The following ANKIB1 variants were observed in gnomAD, a reference collection of about 807,000 sequenced individuals.
ANKIB1 encodes the protein ankyrin repeat and IBR domain containing 1.
ANKIB1 carries 43 observed loss-of-function variants against 122.1 expected under a neutral mutation model. The observed-to-expected ratio is 0.35, with a 90% CI of 0.28 to 0.45. The LOEUF (loss-of-function observed/expected upper bound fraction) is 0.45. ANKIB1 is among the 20% of genes least tolerant of loss of function. The pLI, the probability that ANKIB1 is intolerant of heterozygous loss-of-function variation, is 1.00. For missense variants in ANKIB1, 992 were observed against 1,329.5 expected (o/e 0.75, Z 3.95); for synonymous variants, 390 against 442.0 (o/e 0.88, Z 1.48).
At chr7:92,255,124 C>A (rs1053357628) in intron 1 of ANKIB1, among the ~76,000 whole-genome samples, 11 of 152,214 alleles carry the variant, frequency 7.2e-5, no homozygotes, top group African/African-American at 2.7e-4. Context: ...TCTATTAAAT[C>A]TCTTTTTCTT....
At chr7:92,380,111 G>A (rs998256137) in intron 11 of ANKIB1, among the ~76,000 whole-genome samples, 1 of 152,208 alleles carries the variant, frequency 6.6e-6, no homozygotes, top group African/African-American at 2.4e-5. Context: ...ACCTGGCTCA[G>A]CAGGTCCCAC....
intron 7 of ANKIB1, among the ~76,000 whole-genome samples, chr7:92,347,645 A>G (rs973461207): frequency 6.6e-6 from 1 of 152,126 alleles, no homozygotes; most frequent in Non-Finnish European, 1.5e-5. Flanking sequence ...GATTAGATAG[A>G]AATTATTATT....
At chr7:92,354,494 AT>A (rs1186070635) in intron 9 of ANKIB1, among the ~76,000 whole-genome samples, 1 of 152,146 alleles carries the variant, frequency 6.6e-6, no homozygotes, top group Admixed American at 6.5e-5. Context: ...CAAAATCATC[AT>A]TTTTTGGACA....
At chr7:92,335,073 C>A (rs1048357331) in intron 5 of ANKIB1, among the ~76,000 whole-genome samples, 1 of 151,504 alleles carries the variant, frequency 6.6e-6, no homozygotes, top group Non-Finnish European at 1.5e-5. Flanking sequence ...TCATTCATAT[C>A]TTTTTTACTT....
intron 10 of ANKIB1, among the ~76,000 whole-genome samples, chr7:92,365,506 A>G (rs762865026): frequency 2.6e-5 from 4 of 152,234 alleles, no homozygotes; most frequent in African/African-American, 9.6e-5. Flanking sequence ...CAGGAGTCCA[A>G]ATCAAGCATT....
chr7:92,259,277 C>T (rs979712774), intron 1 of ANKIB1, among the ~76,000 whole-genome samples: 19 of 152,166 alleles, frequency 1.2e-4, no homozygotes, highest in African/African-American at 4.6e-4. Context: ...TTAAATATAG[C>T]ACATGCCATA....
At chr7:92,318,863 G>A (rs1178554208) in intron 3 of ANKIB1, among the ~76,000 whole-genome samples, 1 of 152,150 alleles carries the variant, frequency 6.6e-6, no homozygotes, top group Admixed American at 6.5e-5. Context: ...TTTCATTTCA[G>A]TGTTTCACTG....
In ANKIB1 at chr7:92,400,222, G is replaced by A. The variant is rs1354060840; in HGVS notation, c.*1273G>A. ...AATGCTGACATGTGTTTGTTCTACT[G>A]CGCAATACTCATTTGCTGTGTGATT... On this transcript the variant is annotated 3_prime_UTR_variant, in exon 20 of 20. Transcript: ENST00000265742. 6.6e-6 allele frequency: 1 copy of A among 152,060 alleles called. No homozygotes were observed. Among genetic ancestry groups the A allele is most frequent in the Non-Finnish European group, 1.5e-5 (1 of 68,022 alleles). 9.4% of individuals were successfully genotyped at this position (152,060 alleles called of 1,614,324 possible). A position where few individuals can be genotyped will look rare whatever the true frequency, so the allele number is the denominator to read the frequency against.
At chr7:92,324,650 C>T (rs1802986453) in intron 4 of ANKIB1, among the ~76,000 whole-genome samples, 2 of 152,142 alleles carry the variant, frequency 1.3e-5, no homozygotes, top group South Asian at 4.1e-4. Context: ...ACATGGCCTG[C>T]TGTGTGATTA....
chr7:92,398,256 A>C lies in ANKIB1; in HGVS notation c.2577A>C (p.Ala859=). The change falls in exon 20 of 20, where the codon GCA becomes GCC. Residue 859 remains alanine (A), a synonymous_variant. Coordinates refer to ENST00000265742, the MANE Select transcript of ANKIB1 (RefSeq NM_019004.2). The part of the protein sequence containing the change: ...LDEDDPNILL[A]IQLSLQESGL... ...AAGACGATCCCAATATACTTCTTGC[A>C]ATACAGTTATCACTGCAAGAGTCTG... is the stretch of plus-strand genomic sequence containing the variant. 3.1e-6 allele frequency: 5 copies of C among 1,612,858 alleles called. No homozygotes were observed. The highest frequency in any genetic ancestry group is 4.2e-6 in the Non-Finnish European group (5 of 1,179,400).
intron 1 of ANKIB1, among the ~76,000 whole-genome samples, chr7:92,273,035 A>T (rs922662126): frequency 3.3e-5 from 5 of 152,246 alleles, no homozygotes. Flanking sequence ...ATAGTACTCT[A>T]TATAAGTACA....
At chr7:92,365,960 T>A (rs549848735) in intron 10 of ANKIB1, among the ~76,000 whole-genome samples, 12 of 151,634 alleles carry the variant, frequency 7.9e-5, no homozygotes, top group Non-Finnish European at 1.5e-4. Flanking sequence ...CATGCCCGGC[T>A]AATTTTTTGT....
intron 11 of ANKIB1, among the ~76,000 whole-genome samples, chr7:92,381,424 C>A (rs1804512016): frequency 6.6e-6 from 1 of 152,072 alleles, no homozygotes; most frequent in South Asian, 2.1e-4. Flanking sequence ...AGAGCAACCC[C>A]AAGGCACATA....
At chr7:92,302,484 A>G (rs1802478000) in intron 2 of ANKIB1, among the ~76,000 whole-genome samples, 1 of 152,206 alleles carries the variant, frequency 6.6e-6, no homozygotes, top group Admixed American at 6.5e-5. Flanking sequence ...ATTATATCAC[A>G]TCACAATCAC....
chr7:92,338,429 A>T (rs1803339969), intron 5 of ANKIB1, among the ~76,000 whole-genome samples: 1 of 149,612 alleles, frequency 6.7e-6, no homozygotes, highest in Non-Finnish European at 1.5e-5. Context: ...AAAAAAAAAT[A>T]AAAATTAAAA....
chr7:92,325,207 A>G (rs1803002627), intron 4 of ANKIB1, among the ~76,000 whole-genome samples: 1 of 152,212 alleles, frequency 6.6e-6, no homozygotes, highest in South Asian at 2.1e-4. Flanking sequence ...GCCCATCTAA[A>G]GAATCATCCT....
At chr7:92,370,562 T>C (rs906781367) in intron 10 of ANKIB1, among the ~76,000 whole-genome samples, 1 of 77,038 alleles carries the variant, frequency 1.3e-5, no homozygotes, top group Non-Finnish European at 2.9e-5. Context: ...GGGACAAACA[T>C]AGAGTTAGAT....
chr7:92,307,106 C>G (rs943776741), intron 2 of ANKIB1, among the ~76,000 whole-genome samples: 1 of 152,072 alleles, frequency 6.6e-6, no homozygotes, highest in African/African-American at 2.4e-5. Context: ...CTTTTCCCTT[C>G]CTTTCCCTCC....
At chr7:92,290,967 A>G (rs1487368036) in intron 1 of ANKIB1, among the ~76,000 whole-genome samples, 1 of 152,292 alleles carries the variant, frequency 6.6e-6, no homozygotes, top group South Asian at 2.1e-4. Context: ...TAGAGTGATT[A>G]TAGAATTTAT....
Sources: allele counts gnomAD v4.1 joint callset (sites outside exome capture counted in the v4.1 genomes callset), GRCh38; gene constraint gnomAD v4.1.1; transcripts MANE v1.5; gene names NCBI Gene and HGNC (gene_info 2026-07-23, HGNC 2026-07-21).